Variants in IGSF11 observed in about 807,000 individuals in gnomAD.
The protein encoded by IGSF11 is immunoglobulin superfamily member 11.
IGSF11 carries 22 observed loss-of-function variants against 41.0 expected under a neutral mutation model. The ratio of observed to expected loss-of-function variants is 0.54; its 90% CI spans 0.38 to 0.77. The LOEUF is 0.77. Among genes scored for constraint, IGSF11 ranks in the 30% least tolerant of loss-of-function variants. The pLI, the probability that IGSF11 is intolerant of heterozygous loss-of-function variation, is 0.00. For missense variants in IGSF11, 444 were observed against 530.8 expected (o/e 0.84, Z 1.61); for synonymous variants, 219 against 201.3 (o/e 1.09, Z -0.74).
chr3:119,019,972 C>T (rs1275733673), intron 1 of IGSF11, among the ~76,000 whole-genome samples: 2 of 151,810 alleles, frequency 1.3e-5, no homozygotes, highest in African/African-American at 4.8e-5. Context: ...AGATTTATGC[C>T]ATTATAAAAG....
intron 1 of IGSF11, among the ~76,000 whole-genome samples, chr3:119,003,708 C>T (rs1276658378): frequency 6.6e-6 from 1 of 151,872 alleles, no homozygotes; most frequent in African/African-American, 2.4e-5. Flanking sequence ...TTTTCTGCAT[C>T]TATTGAGATA....
chr3:119,075,012 C>CA (rs2076469334), intron 1 of IGSF11, among the ~76,000 whole-genome samples: 1 of 151,870 alleles, frequency 6.6e-6, no homozygotes, highest in South Asian at 2.1e-4. Context: ...AATGGAGATG[C>CA]AAAAAACCAT....
chr3:118,988,907 C>A (rs1447527088), intron 1 of IGSF11, among the ~76,000 whole-genome samples: 1 of 152,206 alleles, frequency 6.6e-6, no homozygotes, highest in Non-Finnish European at 1.5e-5. Context: ...CTACTTCAGA[C>A]TGAGTTAGAA....
At chr3:119,143,189 A>G (rs1422653094) in intron 1 of IGSF11, among the ~76,000 whole-genome samples, 1 of 152,210 alleles carries the variant, frequency 6.6e-6, no homozygotes, top group Non-Finnish European at 1.5e-5. Flanking sequence ...GTGATTTAAT[A>G]GCCAGCATTG....
chr3:118,901,579 G>A lies in IGSF11; in HGVS notation c.*941C>T, dbSNP rs1938860228. 6.6e-6 allele frequency: 1 copy of A among 152,046 alleles called. No homozygotes were observed. Among genetic ancestry groups the A allele is most frequent in the Admixed American group, 6.6e-5 (1 of 15,252 alleles). The allele number at this position is 152,046 out of a possible 1,614,324, so 9.4% of individuals were successfully genotyped here. A position where few individuals can be genotyped will look rare whatever the true frequency, so the allele number is the denominator to read the frequency against. On this transcript the variant is annotated 3_prime_UTR_variant, in exon 7 of 7. Transcript: ENST00000393775. Reference sequence around the variant, plus strand: ...TAGCAAGGGAGATCTGAACAACCTTGCTCTGAGAGGCTGCCCAGCAAGGCT... The same window carrying A: ...TAGCAAGGGAGATCTGAACAACCTTACTCTGAGAGGCTGCCCAGCAAGGCT...
In IGSF11 at chr3:118,928,560, G is replaced by C; in HGVS notation, c.373C>G (p.Leu125Val). The change falls in exon 3 of 7, where the codon CTT becomes GTT. Residue 125 changes from leucine (L) to valine (V), a missense_variant. Leu to Val is a conservative substitution (Grantham distance 32). Transcript: ENST00000393775. Reference protein sequence around the residue: ...TGTYQCLVNNLPDIGGRNIGV... With the variant: ...TGTYQCLVNNVPDIGGRNIGV... Reference sequence around the variant, plus strand: ...ATGTTCCTGCCCCCTATGTCTGGAAGGTTGTTGACCAGGCACTGGTAGGTG... The same window carrying C: ...ATGTTCCTGCCCCCTATGTCTGGAACGTTGTTGACCAGGCACTGGTAGGTG... 1 of 1,613,786 alleles carries C rather than the reference G, an allele frequency of 6.2e-7. No individual in the cohort carries two copies.
At chr3:119,005,777 T>G (rs1485624848) in intron 1 of IGSF11, among the ~76,000 whole-genome samples, 2 of 110,202 alleles carry the variant, frequency 1.8e-5, no homozygotes, top group East Asian at 2.3e-4. Context: ...TCTTTAAGAA[T>G]GTTGAATATC....
intron 4 of IGSF11, among the ~76,000 whole-genome samples, chr3:118,909,158 T>C (rs1378371568): frequency 1.3e-5 from 2 of 152,336 alleles, no homozygotes; most frequent in East Asian, 1.9e-4. Context: ...TAATTCCCAA[T>C]AGATATTGAT....
At chr3:119,101,303 A>T (rs1189884068) in intron 1 of IGSF11, among the ~76,000 whole-genome samples, 2 of 152,150 alleles carry the variant, frequency 1.3e-5, no homozygotes, top group Admixed American at 6.5e-5. Context: ...TGAGGTCGGG[A>T]GTTCAAGGCC....
In IGSF11 at chr3:118,916,174, G is replaced by A. The variant is rs1311780948; in HGVS notation, c.580+9927C>T. 5.3e-5 allele frequency among the ~76,000 whole-genome samples: 8 copies of A among 150,444 alleles called. No individual in the cohort carries two copies. In the South Asian group the frequency reaches 8.6e-4, roughly 16 times the overall value. On this transcript the variant is annotated intron_variant, in intron 4 of 6. Transcript: ENST00000393775. ...ATCATGCCAAAATGTAAAGACCATC[G>A]AGACTAGGAAGAAACTGCATCAACT...
At chr3:119,079,159 A>C (rs1343971305) in intron 1 of IGSF11, among the ~76,000 whole-genome samples, 3 of 152,114 alleles carry the variant, frequency 2.0e-5, no homozygotes, top group Non-Finnish European at 4.4e-5. Context: ...GGAGTTGGAG[A>C]CCAGCCTGAT....
chr3:119,073,593 G>A (rs1467583830), intron 1 of IGSF11, among the ~76,000 whole-genome samples: 12 of 152,238 alleles, frequency 7.9e-5, no homozygotes, highest in Admixed American at 7.8e-4. Context: ...TGCAGTGCCG[G>A]TGGGCCGGCA....
chr3:119,003,804 G>A (rs1351984831), intron 1 of IGSF11, among the ~76,000 whole-genome samples: 1 of 151,176 alleles, frequency 6.6e-6, no homozygotes, highest in Non-Finnish European at 1.5e-5. Context: ...TGCATCCCAG[G>A]GATGAAGCCC....
chr3:119,087,403 T>G (rs202062919), intron 1 of IGSF11, among the ~76,000 whole-genome samples: 1 of 113,762 alleles, frequency 8.8e-6, no homozygotes, highest in African/African-American at 3.2e-5. Flanking sequence ...CACACACACA[T>G]ACACACACAC....
At chr3:119,003,312 T>C (rs1346855814) in intron 1 of IGSF11, among the ~76,000 whole-genome samples, 17 of 145,502 alleles carry the variant, frequency 1.2e-4, no homozygotes, top group South Asian at 6.8e-4. Context: ...GTGATTTTTG[T>C]ACATTGATTT....
chr3:119,021,661 T>C lies in IGSF11; in HGVS notation c.52+12870A>G, dbSNP rs534318848. 3.3e-5 allele frequency among the ~76,000 whole-genome samples: 5 copies of C among 152,236 alleles called. No homozygotes were observed. The South Asian group carries it at 1.0e-3, about 32-fold the overall frequency. The stretch of plus-strand genomic sequence containing the variant: ...AAATTTTTGTCCTTACCCCCGACTC[T>C]CATTGCACACAAGACAATGAATTCT... On this transcript the variant is annotated intron_variant, in intron 1 of 6. Transcript: ENST00000393775.
chr3:119,063,491 T>C (rs1942119837), intron 1 of IGSF11, among the ~76,000 whole-genome samples: 1 of 152,172 alleles, frequency 6.6e-6, no homozygotes, highest in Non-Finnish European at 1.5e-5. Flanking sequence ...TTTGTTTTTG[T>C]GCACAGACAT....
chr3:119,124,650 G>A (rs1460248461), intron 1 of IGSF11, among the ~76,000 whole-genome samples: 2 of 151,888 alleles, frequency 1.3e-5, no homozygotes, highest in African/African-American at 4.8e-5. Flanking sequence ...AAAAAATAAC[G>A]AAGCACACCT....
intron 2 of IGSF11, 29 bp from the exon 3 acceptor site, chr3:118,928,745 G>T: frequency 1.3e-6 from 2 of 1,538,138 alleles, no homozygotes; most frequent in South Asian, 2.3e-5. Context: ...TAAATAAACT[G>T]GCCACTCTAT....
Sources: allele counts gnomAD v4.1 joint callset (sites outside exome capture counted in the v4.1 genomes callset), GRCh38; gene constraint gnomAD v4.1.1; transcripts MANE v1.5; gene names NCBI Gene and HGNC (gene_info 2026-07-23, HGNC 2026-07-21).